Variants in FAAH2 observed in about 807,000 individuals in gnomAD.
FAAH2 encodes the protein fatty-acid amide hydrolase 2.
FAAH2 carries 60 observed loss-of-function variants against 36.9 expected under a neutral mutation model. The ratio of observed to expected loss-of-function variants is 1.63; its 90% CI spans 1.32 to 2.02. The LOEUF (loss-of-function observed/expected upper bound fraction) is 2.02. Ranked by LOEUF, FAAH2 falls within the 30% of genes most tolerant of loss-of-function variation. The probability of loss-of-function intolerance (pLI) is 0.00; values close to 1 mark genes in which losing one functional copy is unlikely to be tolerated. For synonymous variants in FAAH2, 214 were observed against 143.8 expected (o/e 1.49, Z -3.49); for missense variants, 689 against 397.5 (o/e 1.73, Z -6.23).
the FAAH2 span, chrX:57,137,170 C>A: frequency 2.5e-5 from 19 of 761,272 alleles, no homozygotes; most frequent in Non-Finnish European, 3.0e-5. Context: ...CCTTCCCATC[C>A]CCCTCTCCAT....
At chrX:57,440,421 G>C (rs182904572) in intron 8 of FAAH2, among the ~76,000 whole-genome samples, 96 of 110,961 alleles carry the variant, frequency 8.7e-4, no homozygotes, top group African/African-American at 3.1e-3. Flanking sequence ...TTGGTGTATA[G>C]GAATGCTTGT....
At chrX:57,274,025 C>T in the FAAH2 span, among the ~76,000 whole-genome samples, 1 of 110,402 alleles carries the variant, frequency 9.1e-6, no homozygotes, top group African/African-American at 3.3e-5. Flanking sequence ...CAGACTAATA[C>T]AGAAGAAAAG....
the FAAH2 span, among the ~76,000 whole-genome samples, chrX:57,200,938 C>G: frequency 9.0e-6 from 1 of 110,659 alleles, no homozygotes; most frequent in Admixed American, 9.6e-5. Context: ...TGGCATTTCT[C>G]ATAGAATTGT....
chrX:57,402,215 G>T (rs2055454779), intron 7 of FAAH2, among the ~76,000 whole-genome samples: 1 of 112,162 alleles, frequency 8.9e-6, no homozygotes, highest in South Asian at 3.8e-4. Context: ...TTCGTCCCCT[G>T]GGGCAGTGGG....
chrX:57,229,690 T>C, the FAAH2 span, among the ~76,000 whole-genome samples: 371 of 111,244 alleles, frequency 3.3e-3, 3 homozygotes, highest in East Asian at 0.062. Context: ...GAATAACTTC[T>C]CCTATATTTT....
At chrX:57,430,789 A>T (rs949755252) in intron 7 of FAAH2, among the ~76,000 whole-genome samples, 1 of 111,842 alleles carries the variant, frequency 8.9e-6, no homozygotes, top group Admixed American at 9.5e-5. Flanking sequence ...GTATCAATCC[A>T]TGTAATTTCT....
At chrX:57,170,725 C>G in the FAAH2 span, among the ~76,000 whole-genome samples, 2 of 101,815 alleles carry the variant, frequency 2.0e-5, no homozygotes, top group South Asian at 4.2e-4. Flanking sequence ...GTGTGTGTGT[C>G]ATGGAGTCAC....
intron 5 of FAAH2, among the ~76,000 whole-genome samples, chrX:57,377,483 C>T (rs1357548977): frequency 8.9e-6 from 1 of 111,795 alleles, no homozygotes; most frequent in African/African-American, 3.3e-5. Flanking sequence ...TCTGAGGGAT[C>T]TGTTCTGTTC....
the FAAH2 span, among the ~76,000 whole-genome samples, chrX:57,191,988 G>GT: frequency 1.8e-5 from 2 of 111,519 alleles, no homozygotes; most frequent in African/African-American, 3.3e-5. Flanking sequence ...TTCTAGGATT[G>GT]TTTTTTCTAT....
the FAAH2 span, among the ~76,000 whole-genome samples, chrX:57,228,391 A>T: frequency 3.6e-5 from 4 of 110,936 alleles, no homozygotes; most frequent in African/African-American, 1.3e-4. Context: ...TAAAGTTGGG[A>T]ACTTCTCCCA....
At chrX:57,240,918 G>A in the FAAH2 span, among the ~76,000 whole-genome samples, 1 of 112,106 alleles carries the variant, frequency 8.9e-6, no homozygotes, top group Non-Finnish European at 1.9e-5. Flanking sequence ...CATCCTACAG[G>A]CAACATAACC....
At chrX:57,288,309 G>T (rs2051869646) in intron 1 of FAAH2, among the ~76,000 whole-genome samples, 1 of 95,157 alleles carries the variant, frequency 1.1e-5, no homozygotes, top group Non-Finnish European at 2.1e-5. Flanking sequence ...GCTTTTCTAC[G>T]ATCTAGCTCT....
intron 2 of FAAH2, among the ~76,000 whole-genome samples, chrX:57,296,536 A>T (rs1038412079): frequency 1.8e-5 from 2 of 111,833 alleles, no homozygotes; most frequent in African/African-American, 3.3e-5. Context: ...AACTCTAAAA[A>T]TCAGAGCACC....
At chrX:57,134,552 G>A in the FAAH2 span, 4 of 111,746 alleles carry the variant, frequency 3.6e-5, no homozygotes, top group East Asian at 1.1e-3. Flanking sequence ...ACTAGGCTCA[G>A]TCCTCTGATG....
chrX:57,243,929 G>T, the FAAH2 span, among the ~76,000 whole-genome samples: 2 of 109,308 alleles, frequency 1.8e-5, no homozygotes, highest in Non-Finnish European at 3.8e-5. Flanking sequence ...GCTTCAGAAG[G>T]TGGATAATAA....
intron 5 of FAAH2, among the ~76,000 whole-genome samples, chrX:57,363,629 C>A (rs1808811073): frequency 9.0e-6 from 1 of 111,162 alleles, no homozygotes; most frequent in Admixed American, 9.6e-5. Flanking sequence ...GGGTGGGCAC[C>A]CTTGTCTTTT....
At chrX:57,131,532 G>C in the FAAH2 span, among the ~76,000 whole-genome samples, 1 of 111,888 alleles carries the variant, frequency 8.9e-6, no homozygotes, top group East Asian at 2.8e-4. Context: ...CCCCTATCTA[G>C]CCATGTCCTC....
At chrX:57,374,468 C>CAA (rs1569300009) in intron 5 of FAAH2, among the ~76,000 whole-genome samples, 2 of 111,440 alleles carry the variant, frequency 1.8e-5, no homozygotes, top group Non-Finnish European at 1.9e-5. Context: ...ATTTATTTTG[C>CAA]AGCTATTGTA....
chrX:57,301,519 G>A (rs2052367994), intron 2 of FAAH2, among the ~76,000 whole-genome samples: 1 of 106,029 alleles, frequency 9.4e-6, no homozygotes, highest in African/African-American at 3.5e-5. Flanking sequence ...GCTAAATGAC[G>A]AGTTAATGGG....
Sources: gnomAD v4.1 joint callset for allele counts (sites outside exome capture counted in the v4.1 genomes callset) on GRCh38, gnomAD v4.1.1 for gene constraint, MANE v1.5 for transcripts, NCBI Gene and HGNC (gene_info 2026-07-23, HGNC 2026-07-21) for gene names.